Variants in ASPM observed in about 807,000 individuals in gnomAD.
The protein encoded by ASPM is assembly factor for spindle microtubules.
ASPM carries 256 observed loss-of-function variants against 366.4 expected under a neutral mutation model. The observed-to-expected ratio is 0.70, with a 90% CI of 0.63 to 0.77. The LOEUF (loss-of-function observed/expected upper bound fraction) is 0.77. Among genes scored for constraint, ASPM ranks in the 30% least tolerant of loss-of-function variants. ASPM has a pLI of 0.00. For synonymous variants in ASPM, 1,414 were observed against 1,342.9 expected, an observed-to-expected ratio of 1.05 and a Z score of -1.16; for missense variants, 4,146 against 4,090.4, an observed-to-expected ratio of 1.01 and a Z score of -0.37.
chr1:197,099,444 T>C (rs1459280960), intron 18 of ASPM, among the ~76,000 whole-genome samples: 2 of 151,662 alleles, frequency 1.3e-5, no homozygotes, highest in Non-Finnish European at 3.0e-5. Context: ...TATTCTTCTA[T>C]ACCTTTTACT....
Position 197,146,627 on chromosome 1 carries a change from C to G in ASPM, c.-190G>C. 1.5e-6 allele frequency: 1 copy of G among 648,320 alleles called. No homozygotes were observed. Among genetic ancestry groups the G allele is most frequent in the Non-Finnish European group, 2.6e-6 (1 of 379,686 alleles). The allele number at this position is 648,320 out of a possible 1,614,324, so 40.2% of individuals were successfully genotyped here. A position where few individuals can be genotyped will look rare whatever the true frequency, so the allele number is the denominator to read the frequency against. On this transcript the variant is annotated 5_prime_UTR_variant, in exon 1 of 28. Transcript: ENST00000367409. ...ACAGAAAACAAGCCCAATAAACTCG[C>G]AAATTAAAAAGAGGAGCCAAACAAG...
intron 16 of ASPM, among the ~76,000 whole-genome samples, chr1:197,120,610 G>A (rs1200758334): frequency 1.3e-5 from 2 of 152,228 alleles, no homozygotes; most frequent in East Asian, 3.9e-4. Flanking sequence ...TCTATCTCTT[G>A]TAATTCTAAA....
chr1:197,118,989 TAC>T (rs1446646361), intron 16 of ASPM, among the ~76,000 whole-genome samples: 5 of 152,210 alleles, frequency 3.3e-5, no homozygotes, highest in Non-Finnish European at 5.9e-5. Flanking sequence ...GGGTAGGCTC[TAC>T]ACAGAGATTA....
chr1:197,127,658 T>C (rs1429004298), intron 10 of ASPM, among the ~76,000 whole-genome samples: 1 of 152,176 alleles, frequency 6.6e-6, no homozygotes, highest in Non-Finnish European at 1.5e-5. Flanking sequence ...CCATCATACA[T>C]ACCAAAGCCA....
rs1159339620 is a variant in ASPM, at chr1:197,117,823, TC to T, written c.4030del (p.Glu1344LysfsTer25). 6.2e-7 allele frequency: 1 copy of T among 1,612,846 alleles called. No homozygotes were observed. The highest frequency in any genetic ancestry group is 8.5e-7 in the Non-Finnish European group (1 of 1,179,486). On this transcript the variant is annotated frameshift_variant, in exon 17 of 28. Transcript: ENST00000367409. LOFTEE classifies it high-confidence loss of function. ...TGATGCTGCTTTATTTTGAACTTTTTCCAGCTTTTCCTTTTTTAACATTAAT... is the reference window on the plus strand; with the variant it reads ...TGATGCTGCTTTATTTTGAACTTTTTCAGCTTTTCCTTTTTTAACATTAAT... Reference protein sequence around the residue: ...KLLMLKKEKLEKVQNKAASLI... With the variant: ...KLLMLKKEKLXKVQNKAASLI...
Position 197,090,368 on chromosome 1 carries a change from A to C in ASPM, c.9657T>G (p.Ser3219=), listed in dbSNP as rs756879923. 87 of 1,610,406 alleles carry C rather than the reference A, an allele frequency of 5.4e-5. 1 individual carries two copies. In the Middle Eastern group the frequency reaches 8.6e-4, roughly 16 times the overall value. The change falls in exon 24 of 28, where the codon TCT becomes TCG. Residue 3219 remains serine, a synonymous_variant. Coordinates refer to ENST00000367409, the MANE Select transcript of ASPM (RefSeq NM_018136.5). ...IKIQALWRGY[S]WRKKNDCTKI... is the part of the protein sequence containing the mutation. ...TTGTACAATCATTTTTCTTCCTCCA[A>C]GAATAGCCTCTCCATAATGCCTTAA...
At chr1:197,107,068 A>G (rs930472549) in intron 17 of ASPM, among the ~76,000 whole-genome samples, 3 of 152,174 alleles carry the variant, frequency 2.0e-5, no homozygotes, top group Middle Eastern at 3.4e-3. Flanking sequence ...GTGTAACTCA[A>G]TCTTCAGTTT....
At chr1:197,097,489 G>A (rs898779496) in intron 18 of ASPM, among the ~76,000 whole-genome samples, 5 of 151,458 alleles carry the variant, frequency 3.3e-5, no homozygotes, top group African/African-American at 9.7e-5. Flanking sequence ...TAATTATCCC[G>A]CAGCACAACA....
chr1:197,104,357 T>A lies in ASPM; in HGVS notation c.4894A>T (p.Thr1632Ser). ...TGCAGCACAATGACAGCAGAGCGTG[T>A]TTTCTGGTAAGATGCTAGAACTTTC... is the stretch of plus-strand genomic sequence containing the variant. ...AMKVLASYQK[T>S]RSAVIVLQSA... Residue 1632 changes from threonine (T) to serine (S), a missense_variant, in exon 18 of 28, where the codon ACA (threonine) becomes TCA (serine). Physicochemically the swap from Thr to Ser is moderately conservative, Grantham distance 58 (BLOSUM62 1). Around this residue, in one of 3 missense-constraint regions of ASPM, gnomAD observed 3,624 missense variants for 3,591.7 expected, o/e 1.01. Transcript: ENST00000367409. 6.2e-7 allele frequency: 1 copy of A among 1,613,088 alleles called. No homozygotes were observed.
Position 197,139,365 on chromosome 1 carries a change from G to A in ASPM, c.2026+402C>T, listed in dbSNP as rs541126238. 15 of 605,178 alleles carry A rather than the reference G, an allele frequency of 2.5e-5. No individual in the cohort carries two copies. In the African/African-American group the frequency reaches 2.8e-4, roughly 11 times the overall value. 37.5% of individuals were successfully genotyped at this position (605,178 alleles called of 1,614,324 possible). A position where few individuals can be genotyped will look rare whatever the true frequency, so the allele number is the denominator to read the frequency against. ...AAATCCCAGCACCCTGGGAGGCGAG[G>A]GGAGGGATCACGAGGTCAGGAGATT... On this transcript the variant is annotated intron_variant, in intron 4 of 27. Transcript: ENST00000367409.
rs1422137830 is a variant in ASPM, at chr1:197,090,340, T to G, written c.9685A>C (p.Ile3229Leu). 1 of 1,612,376 alleles carries G rather than the reference T, an allele frequency of 6.2e-7. No homozygotes were observed. The highest frequency in any genetic ancestry group is 1.3e-5 in the African/African-American group (1 of 74,848). ...TGAAGACTTAGTCGTATAGCTTTAA[T>G]TTTTGTACAATCATTTTTCTTCCTC... ...SWRKKNDCTK[I>L]KAIRLSLQVV... Residue 3229 changes from isoleucine (I) to leucine (L), a missense_variant, in exon 24 of 28, where the codon ATT (isoleucine) becomes CTT (leucine). Ile to Leu is a conservative substitution (Grantham distance 5). Around this residue, in one of 3 missense-constraint regions of ASPM, gnomAD observed 3,624 missense variants for 3,591.7 expected, o/e 1.01. Coordinates refer to ENST00000367409, the MANE Select transcript of ASPM (RefSeq NM_018136.5).
At chr1:197,089,863 C>T in intron 25 of ASPM, 67 bp downstream of exon 25, 1 of 1,521,634 alleles carries the variant, frequency 6.6e-7, no homozygotes, top group South Asian at 1.1e-5. Context: ...ATGAGTAAAC[C>T]CAAACTTAAT....
rs1006250166 is a variant in ASPM, at chr1:197,101,719, T to G, written c.7532A>C (p.Gln2511Pro). 7 of 1,612,214 alleles carry G rather than the reference T, an allele frequency of 4.3e-6. No individual in the cohort carries two copies. The highest frequency in any genetic ancestry group is 3.3e-4 in the Middle Eastern group (2 of 6,054). Reference sequence around the variant, plus strand: ...AGCTCTATATGTTCGATAATGTTGCTGAATTAGAATTGAAGCATGTTTCCA... The same window carrying G: ...AGCTCTATATGTTCGATAATGTTGCGGAATTAGAATTGAAGCATGTTTCCA... ...QTWKHASILI[Q>P]QHYRTYRAAK... The change falls in exon 18 of 28, where the codon CAG becomes CCG. Residue 2511 changes from glutamine (Q) to proline (P), a missense_variant. This residue lies in a region of ASPM where 3,624 missense variants were observed against 3,591.7 expected (regional missense o/e 1.01). Coordinates refer to ENST00000367409, the MANE Select transcript of ASPM (RefSeq NM_018136.5).
intron 17 of ASPM, among the ~76,000 whole-genome samples, chr1:197,113,413 T>C (rs915410949): frequency 9.9e-5 from 15 of 152,280 alleles, no homozygotes; most frequent in African/African-American, 3.6e-4. Context: ...GAAGGTAGCA[T>C]GGCAAAAGGG....
Position 197,094,370 on chromosome 1 carries a change from G to T in ASPM, c.8988-190C>A, listed in dbSNP as rs756662413. ...TCAGAATTTACACACGCACACGAAA[G>T]AAGTTTTACAATTGGCAATATTCCA... On this transcript the variant is annotated intron_variant, in intron 19 of 27. Transcript: ENST00000367409. 5.3e-5 allele frequency among the ~76,000 whole-genome samples: 8 copies of T among 151,832 alleles called. No homozygotes were observed. In the South Asian group the frequency reaches 1.0e-3, roughly 20 times the overall value.
At chr1:197,135,586 C>A (rs1658394286) in intron 4 of ASPM, among the ~76,000 whole-genome samples, 1 of 147,348 alleles carries the variant, frequency 6.8e-6, no homozygotes. Flanking sequence ...CAAATCAGGT[C>A]AGGGTACTTG....
At chr1:197,124,784 T>C (rs1658033032) in intron 12 of ASPM, 86 bp downstream of exon 12, 1 of 1,092,160 alleles carries the variant, frequency 9.2e-7, no homozygotes, top group South Asian at 1.3e-5. Context: ...TGGTTGTTGT[T>C]GTTATTCTTT....
rs763607215 is a variant in ASPM, at chr1:197,105,176, T to G, written c.4075A>C (p.Arg1359=). ...KAASLIQGYW[R]RYSTRQRFLK... is the part of the protein sequence containing the mutation. ...AATCTTTGTCTAGTGGAATATCTTCTCCAATATCCCTGGAAAAGGTAAGAA... is the reference window on the plus strand; with the variant it reads ...AATCTTTGTCTAGTGGAATATCTTCGCCAATATCCCTGGAAAAGGTAAGAA... The change falls in exon 18 of 28, where the codon AGA becomes CGA. Residue 1359 remains arginine (R), a synonymous_variant. Transcript: ENST00000367409. The G allele has an allele frequency of 1.2e-6, 2 of 1,603,522 alleles. No individual in the cohort carries two copies. The highest frequency in any genetic ancestry group is 2.7e-5 in the African/African-American group (2 of 74,620).
Position 197,110,423 on chromosome 1 carries a change from A to G in ASPM, c.4066-5238T>C, listed in dbSNP as rs550776609. 5.3e-5 allele frequency among the ~76,000 whole-genome samples: 8 copies of G among 152,234 alleles called. No homozygotes were observed. The East Asian group carries it at 1.2e-3, about 22-fold the overall frequency. On this transcript the variant is annotated intron_variant, in intron 17 of 27. Transcript: ENST00000367409. ...CCTTAGAGGAGAACTAACACAAAAT[A>G]CATCATAGGTCAAAATTTAGAATGA...
Sources: gnomAD v4.1 joint callset for allele counts (sites outside exome capture counted in the v4.1 genomes callset) on GRCh38, gnomAD v4.1.1 for gene constraint, gnomAD v4.1.1 regional missense constraint, MANE v1.5 for transcripts, NCBI Gene and HGNC (gene_info 2026-07-23, HGNC 2026-07-21) for gene names.